The following BMPR1B variants were observed in gnomAD, a reference collection of about 807,000 sequenced individuals.
The protein encoded by BMPR1B is bone morphogenetic protein receptor type-1B.
Under a neutral mutation model 59.1 loss-of-function variants are expected in BMPR1B, and 12 were observed. That is an observed-to-expected ratio of 0.20 (90% CI 0.13 to 0.33). The LOEUF (loss-of-function observed/expected upper bound fraction) is 0.33, where lower values mean the gene tolerates loss of function less well. BMPR1B is among the 10% of genes least tolerant of loss of function. BMPR1B has a pLI of 1.00. For synonymous variants in BMPR1B, 237 were observed against 207.3 expected (o/e 1.14, Z -1.23); for missense variants, 550 against 610.9 (o/e 0.90, Z 1.05).
chr4:94,808,028 A>G (rs1723677687), intron 1 of BMPR1B, among the ~76,000 whole-genome samples: 1 of 152,116 alleles, frequency 6.6e-6, no homozygotes, highest in African/African-American at 2.4e-5. Context: ...TTTTTTTTCC[A>G]GTGCAACATT....
intron 3 of BMPR1B, among the ~76,000 whole-genome samples, chr4:95,095,085 A>T (rs1035085169): frequency 6.6e-6 from 1 of 151,884 alleles, no homozygotes; most frequent in African/African-American, 2.4e-5. Flanking sequence ...GAGCATAGAA[A>T]ATGATTTATT....
At chr4:94,929,636 C>T (rs1028642782) in intron 2 of BMPR1B, among the ~76,000 whole-genome samples, 1 of 152,018 alleles carries the variant, frequency 6.6e-6, no homozygotes, top group Non-Finnish European at 1.5e-5. Context: ...GCTCTCAGAT[C>T]AATTTGAAGC....
intron 2 of BMPR1B, among the ~76,000 whole-genome samples, chr4:94,960,038 G>A (rs946168063): frequency 6.6e-6 from 1 of 152,058 alleles, no homozygotes; most frequent in Non-Finnish European, 1.5e-5. Context: ...TTGAATTACT[G>A]CATGGTCCTA....
chr4:95,011,153 C>T lies in BMPR1B; in HGVS notation c.-18+15019C>T, dbSNP rs149853181. Among the ~76,000 whole-genome samples the T allele has an allele frequency of 2.6e-4, 39 of 151,914 alleles. No homozygotes were observed. In the Middle Eastern group the frequency reaches 0.01, roughly 40 times the overall value. ...TGGTTACGTAGGTAAACTTGGGTCA[C>T]GGTGGTTTGTTGTACAGATTATTTC... On this transcript the variant is annotated intron_variant, in intron 3 of 12. Coordinates refer to ENST00000515059, the MANE Select transcript of BMPR1B (RefSeq NM_001203.3).
At chr4:94,835,643 T>C (rs1724777519) in intron 1 of BMPR1B, among the ~76,000 whole-genome samples, 2 of 149,134 alleles carry the variant, frequency 1.3e-5, no homozygotes, top group Admixed American at 1.3e-4. Flanking sequence ...ATTGAAAATA[T>C]TTATTAAGTA....
At chr4:94,995,207 C>G (rs1721983948) in intron 2 of BMPR1B, among the ~76,000 whole-genome samples, 1 of 151,982 alleles carries the variant, frequency 6.6e-6, no homozygotes, top group Non-Finnish European at 1.5e-5. Flanking sequence ...TATCCTTAAT[C>G]TAAAAATTAA....
chr4:95,104,234 A>G, intron 3 of BMPR1B, 174 bp from the exon 4 acceptor site: 2 of 698,668 alleles, frequency 2.9e-6, no homozygotes, highest in Non-Finnish European at 4.7e-6. Flanking sequence ...TATGAGGTGT[A>G]TACTAGGTAA....
chr4:94,803,145 C>T (rs369215273), intron 1 of BMPR1B, among the ~76,000 whole-genome samples: 30 of 152,240 alleles, frequency 2.0e-4, no homozygotes, highest in South Asian at 1.9e-3. Context: ...TTGGCTGTTG[C>T]GGGACCATAG....
intron 2 of BMPR1B, among the ~76,000 whole-genome samples, chr4:94,967,423 TC>T (rs1305693860): frequency 6.6e-6 from 1 of 152,104 alleles, no homozygotes; most frequent in East Asian, 1.9e-4. Flanking sequence ...TCTCTTTTCT[TC>T]TATTATAGAT....
intron 1 of BMPR1B, among the ~76,000 whole-genome samples, chr4:94,808,275 A>C (rs1363236381): frequency 6.6e-6 from 1 of 152,198 alleles, no homozygotes; most frequent in African/African-American, 2.4e-5. Flanking sequence ...CCATGGCCCC[A>C]TTACCTAAAG....
chr4:94,856,339 CAT>C (rs1330993577), intron 1 of BMPR1B, among the ~76,000 whole-genome samples: 2 of 152,088 alleles, frequency 1.3e-5, no homozygotes, highest in African/African-American at 4.8e-5. Context: ...CCTCCTGTTC[CAT>C]ATGTCTCTAT....
chr4:94,820,431 G>A (rs1724165042), intron 1 of BMPR1B, among the ~76,000 whole-genome samples: 2 of 152,258 alleles, frequency 1.3e-5, no homozygotes, highest in Non-Finnish European at 2.9e-5. Flanking sequence ...CTTCCCAGTG[G>A]GACTGTAAAC....
chr4:95,117,501 G>GGC (rs1732156615), intron 6 of BMPR1B, among the ~76,000 whole-genome samples: 1 of 151,748 alleles, frequency 6.6e-6, no homozygotes, highest in African/African-American at 2.4e-5. Context: ...GAGAGATGAG[G>GGC]GCTGGGCACA....
intron 2 of BMPR1B, among the ~76,000 whole-genome samples, chr4:94,933,904 G>A (rs1169847952): frequency 6.6e-6 from 1 of 152,050 alleles, no homozygotes; most frequent in Non-Finnish European, 1.5e-5. Context: ...AAGTTTAAGA[G>A]AAAAGAAAAT....
At chr4:94,761,459 G>GTGTA (rs1721766864) in intron 1 of BMPR1B, among the ~76,000 whole-genome samples, 1 of 139,520 alleles carries the variant, frequency 7.2e-6, no homozygotes, top group Non-Finnish European at 1.5e-5. Context: ...GTGTGTGTGT[G>GTGTA]TGTTGAAGGG....
intron 2 of BMPR1B, among the ~76,000 whole-genome samples, chr4:94,948,701 T>C (rs894745574): frequency 6.6e-6 from 1 of 152,182 alleles, no homozygotes; most frequent in Non-Finnish European, 1.5e-5. Flanking sequence ...AATTCCCTCA[T>C]TTATAAATCA....
In BMPR1B at chr4:94,815,466, A is replaced by G. The variant is rs558424541; in HGVS notation, c.-183+57398A>G. ...AAGTTTTAAAAGTGGAATTACTAGGAAAAGGATATGCTTTTTGTTCTGGAA... is the reference window on the plus strand; with the variant it reads ...AAGTTTTAAAAGTGGAATTACTAGGGAAAGGATATGCTTTTTGTTCTGGAA... On this transcript the variant is annotated intron_variant, in intron 1 of 12. Coordinates refer to ENST00000515059, the MANE Select transcript of BMPR1B (RefSeq NM_001203.3). 2.3e-4 allele frequency among the ~76,000 whole-genome samples: 35 copies of G among 152,332 alleles called. No homozygotes were observed. The East Asian group carries it at 6.6e-3, about 29-fold the overall frequency.
At chr4:95,133,900 T>C (rs1441920229) in intron 10 of BMPR1B, among the ~76,000 whole-genome samples, 1 of 152,110 alleles carries the variant, frequency 6.6e-6, no homozygotes, top group Non-Finnish European at 1.5e-5. Flanking sequence ...ATTATACTTT[T>C]AAGTTCTAGG....
At chr4:94,974,213 A>G (rs1730921910) in intron 2 of BMPR1B, among the ~76,000 whole-genome samples, 1 of 151,948 alleles carries the variant, frequency 6.6e-6, no homozygotes, top group Non-Finnish European at 1.5e-5. Flanking sequence ...ATTATTTAAT[A>G]TTTTTCTTTC....
Sources: allele counts gnomAD v4.1 joint callset (sites outside exome capture counted in the v4.1 genomes callset), GRCh38; gene constraint gnomAD v4.1.1; transcripts MANE v1.5; gene names NCBI Gene and HGNC (gene_info 2026-07-23, HGNC 2026-07-21).